Variants in G3BP1 observed in about 807,000 individuals in gnomAD.
The protein encoded by G3BP1 is ras GTPase-activating protein-binding protein 1.
In G3BP1, 35 loss-of-function variants were observed where a neutral mutation model predicts 58.6. The ratio of observed to expected loss-of-function variants is 0.60; its 90% CI spans 0.46 to 0.79. The LOEUF (loss-of-function observed/expected upper bound fraction) is 0.79, where lower values mean the gene tolerates loss of function less well. G3BP1 is among the 30% of genes least tolerant of loss of function. The pLI is 0.00. For synonymous variants in G3BP1, 191 were observed against 195.4 expected, an observed-to-expected ratio of 0.98 and a Z score of 0.19; for missense variants, 523 against 580.8, an observed-to-expected ratio of 0.90 and a Z score of 1.02.
intron 4 of G3BP1, among the ~76,000 whole-genome samples, chr5:151,792,940 A>G (rs1762684496): frequency 6.6e-6 from 1 of 152,066 alleles, no homozygotes; most frequent in South Asian, 2.1e-4. Flanking sequence ...ACAGAGGAGT[A>G]ACAGCCTTAG....
chr5:151,784,739 G>A (rs1762530370), intron 1 of G3BP1, among the ~76,000 whole-genome samples: 1 of 151,690 alleles, frequency 6.6e-6, no homozygotes, highest in Admixed American at 6.6e-5. Flanking sequence ...TAGTCATGTG[G>A]AATTTAAAAA....
intron 1 of G3BP1, among the ~76,000 whole-genome samples, chr5:151,773,397 AAAC>A (rs2113210088): frequency 6.6e-6 from 1 of 152,292 alleles, no homozygotes; most frequent in East Asian, 1.9e-4. Context: ...GTGTTGGAAA[AAAC>A]AACTGTGACA....
At chr5:151,793,296 A>T (rs1762691676) in intron 4 of G3BP1, among the ~76,000 whole-genome samples, 1 of 151,914 alleles carries the variant, frequency 6.6e-6, no homozygotes, top group African/African-American at 2.4e-5. Flanking sequence ...TTTAGTAGAG[A>T]TGGGGTTTCA....
At chr5:151,790,729 A>G (rs1762636819) in intron 3 of G3BP1, among the ~76,000 whole-genome samples, 160 bp from the exon 4 acceptor site, 1 of 152,202 alleles carries the variant, frequency 6.6e-6, no homozygotes, top group African/African-American at 2.4e-5. Context: ...GTCACTGGGA[A>G]TAGAGTATAC....
At chr5:151,789,514 C>A (rs1263661717) in intron 2 of G3BP1, among the ~76,000 whole-genome samples, 2 of 152,144 alleles carry the variant, frequency 1.3e-5, no homozygotes, top group East Asian at 1.9e-4. Context: ...TGGGTGAAAA[C>A]CATGAGGAAT....
rs1000493423 is a variant in G3BP1, at chr5:151,807,422, T to A, written c.*3331T>A. The A allele has an allele frequency of 5.3e-5, 8 of 152,188 alleles. No homozygotes were observed. Among genetic ancestry groups the A allele is most frequent in the African/African-American group, 1.9e-4 (8 of 41,444 alleles). The allele number at this position is 152,188 out of a possible 1,614,324, so 9.4% of individuals were successfully genotyped here. A position where few individuals can be genotyped will look rare whatever the true frequency, so the allele number is the denominator to read the frequency against. On this transcript the variant is annotated 3_prime_UTR_variant, in exon 12 of 12. Coordinates refer to ENST00000356245, the MANE Select transcript of G3BP1 (RefSeq NM_005754.3). Reference sequence around the variant, plus strand: ...ACTTCCTACTGTAGGGAGACTTGAGTCTGGAATACATTCAGAACAAGGTTA... The same window carrying A: ...ACTTCCTACTGTAGGGAGACTTGAGACTGGAATACATTCAGAACAAGGTTA...
Position 151,797,243 on chromosome 5 carries a change from C to A in G3BP1, c.556C>A (p.His186Asn). The stretch of plus-strand genomic sequence containing the variant: ...CTGTCAAAGTAATGACATGGAAGAA[C>A]ATTTAGAGGAGCCTGTTGCTGAACC... ...QAVVSNDMEEHLEEPVAEPEP... is the reference protein window; with the variant it reads ...QAVVSNDMEENLEEPVAEPEP... Residue 186 changes from histidine (H) to asparagine (N), a missense_variant, in exon 7 of 12, where the codon CAT (histidine) becomes AAT (asparagine). This residue lies in a region of G3BP1 where 398 missense variants were observed against 399.1 expected (regional missense o/e 1.00). Transcript: ENST00000356245. The A allele has an allele frequency of 1.9e-6, 3 of 1,613,370 alleles. No individual in the cohort carries two copies. Among genetic ancestry groups the A allele is most frequent in the Non-Finnish European group, 2.5e-6 (3 of 1,179,386 alleles).
chr5:151,778,711 G>A (rs938290206), intron 1 of G3BP1, among the ~76,000 whole-genome samples: 2 of 151,690 alleles, frequency 1.3e-5, no homozygotes. Context: ...CAAAGTGCTG[G>A]GATTACAGGC....
rs138811793 is a variant in G3BP1 at position 151,783,725 on chromosome 5, T to G, written c.-49-2847T>G. On this transcript the variant is annotated intron_variant, in intron 1 of 11. Transcript: ENST00000356245. The stretch of plus-strand genomic sequence containing the variant: ...GAATAACAAAATTACTCGCTAAACT[T>G]TCAGTGTGTGATCTTTGATCAGTGA... 6.2e-3 allele frequency among the ~76,000 whole-genome samples: 949 copies of G among 152,090 alleles called. 8 individuals are homozygous for G. Among genetic ancestry groups the G allele is most frequent in the African/African-American group, 0.022 (904 of 41,478 alleles).
At position 151,806,056 on chromosome 5, in the gene G3BP1, T is replaced by C. The variant is rs992705204; in HGVS notation, c.*1965T>C. On this transcript the variant is annotated 3_prime_UTR_variant, in exon 12 of 12. Coordinates refer to ENST00000356245, the MANE Select transcript of G3BP1 (RefSeq NM_005754.3). ...AGGACATTTGGAAATGTGTGAAATT[T>C]GGAAGGGTTGTTGGAGAGACATGCA... 1 of 152,140 alleles carries C rather than the reference T, an allele frequency of 6.6e-6. No individual in the cohort carries two copies. Among genetic ancestry groups the C allele is most frequent in the Non-Finnish European group, 1.5e-5 (1 of 68,040 alleles). The allele number at this position is 152,140 out of a possible 1,614,324, so 9.4% of individuals were successfully genotyped here. A position where few individuals can be genotyped will look rare whatever the true frequency, so the allele number is the denominator to read the frequency against.
chr5:151,778,397 T>G (rs748462225), intron 1 of G3BP1, among the ~76,000 whole-genome samples: 1 of 152,210 alleles, frequency 6.6e-6, no homozygotes, highest in African/African-American at 2.4e-5. Context: ...TGGCGAAATA[T>G]CTTTAAGTCT....
chr5:151,774,742 G>A (rs563586960), intron 1 of G3BP1, among the ~76,000 whole-genome samples: 19 of 150,576 alleles, frequency 1.3e-4, no homozygotes, highest in Admixed American at 7.3e-4. Context: ...AGCCTCGCCC[G>A]CCCCCCAGTA....
At chr5:151,772,483 C>T (rs1762287955) in intron 1 of G3BP1, 1 of 152,552 alleles carries the variant, frequency 6.6e-6, no homozygotes, top group Non-Finnish European at 1.5e-5. Flanking sequence ...GCACTAAAGT[C>T]TGATTGGAGT....
At chr5:151,785,557 A>C (rs772021319) in intron 1 of G3BP1, among the ~76,000 whole-genome samples, 4 of 152,192 alleles carry the variant, frequency 2.6e-5, no homozygotes, top group Non-Finnish European at 2.9e-5. Context: ...CCCGTGAATG[A>C]AATGCTGGGA....
intron 5 of G3BP1, among the ~76,000 whole-genome samples, chr5:151,794,744 C>CA (rs560218977): frequency 4.4e-4 from 67 of 152,326 alleles, no homozygotes; most frequent in African/African-American, 1.5e-3. Context: ...TGTGTAGACA[C>CA]AGAGACTTAT....
intron 4 of G3BP1, 98 bp downstream of exon 4, chr5:151,791,160 T>C (rs1762646166): frequency 9.3e-7 from 1 of 1,072,040 alleles, no homozygotes; most frequent in South Asian, 1.3e-5. Context: ...AATTTCAGAC[T>C]TACAGAAAAC....
chr5:151,803,943 C>T lies in G3BP1; in HGVS notation c.1253C>T (p.Ala418Val), dbSNP rs1424328350. 23 of 1,613,848 alleles carry T rather than the reference C, an allele frequency of 1.4e-5. No individual in the cohort carries two copies. The highest frequency in any genetic ancestry group is 1.9e-5 in the Non-Finnish European group (23 of 1,179,806). The change falls in exon 12 of 12, where the codon GCC becomes GTC. Residue 418 changes from alanine to valine, a missense_variant. Physicochemically the swap from Ala to Val is moderately conservative, Grantham distance 64. Around this residue, in one of 2 missense-constraint regions of G3BP1, gnomAD observed 125 missense variants for 181.7 expected, o/e 0.69. Coordinates refer to ENST00000356245, the MANE Select transcript of G3BP1 (RefSeq NM_005754.3). ...LNVEEKKTRA[A>V]REGDRRDNRL... ...GTCGAAGAGAAGAAGACTCGAGCTG[C>T]CAGGGAAGGCGACCGACGAGATAAT...
chr5:151,808,359 C>A lies in G3BP1; in HGVS notation c.*4268C>A, dbSNP rs1190803729. The A allele has an allele frequency of 1.3e-5, 2 of 152,168 alleles. No homozygotes were observed. Among genetic ancestry groups the A allele is most frequent in the African/African-American group, 4.8e-5 (2 of 41,440 alleles). 9.4% of individuals were successfully genotyped at this position (152,168 alleles called of 1,614,324 possible). ...AACTGCCTTGTTCATGCTTTCATGT[C>A]TCAAATCAAGGCCTAAATGAGTAAA... is the stretch of plus-strand genomic sequence containing the variant. On this transcript the variant is annotated 3_prime_UTR_variant, in exon 12 of 12. Coordinates refer to ENST00000356245, the MANE Select transcript of G3BP1 (RefSeq NM_005754.3).
At chr5:151,787,896 C>CGTGT (rs150650549) in intron 2 of G3BP1, 8 of 190,736 alleles carry the variant, frequency 4.2e-5, no homozygotes, top group Middle Eastern at 1.3e-3. Context: ...GAATATATCT[C>CGTGT]GTGTGTGTGT....
Sources: gnomAD v4.1 joint callset for allele counts (sites outside exome capture counted in the v4.1 genomes callset) on GRCh38, gnomAD v4.1.1 for gene constraint, gnomAD v4.1.1 regional missense constraint, MANE v1.5 for transcripts, NCBI Gene and HGNC (gene_info 2026-07-23, HGNC 2026-07-21) for gene names.